Variants in TENM4 observed in about 807,000 individuals in gnomAD.
TENM4 encodes teneurin transmembrane protein 4.
In TENM4, 82 loss-of-function variants were observed where a neutral mutation model predicts 243.3. The ratio of observed to expected loss-of-function variants is 0.34; its 90% confidence interval spans 0.28 to 0.40. The LOEUF (loss-of-function observed/expected upper bound fraction) is 0.40. TENM4 is among the 10% of genes least tolerant of loss of function. The pLI is 1.00. For missense variants in TENM4, 3,138 were observed against 3,673.3 expected, an observed-to-expected ratio of 0.85 and a Z score of 3.77; for synonymous variants, 1,412 against 1,456.3, an observed-to-expected ratio of 0.97 and a Z score of 0.69.
At chr11:78,919,936 T>C (rs1191770984) in intron 6 of TENM4, among the ~76,000 whole-genome samples, 1 of 152,090 alleles carries the variant, frequency 6.6e-6, no homozygotes, top group African/African-American at 2.4e-5. Context: ...CCCTCCTTCA[T>C]GTCCCAGGAA....
At chr11:79,156,542 G>A (rs1011250918) in intron 3 of TENM4, among the ~76,000 whole-genome samples, 1 of 152,126 alleles carries the variant, frequency 6.6e-6, no homozygotes, top group African/African-American at 2.4e-5. Flanking sequence ...CTTTCCCTGA[G>A]TAACTCCTTG....
intron 2 of TENM4, among the ~76,000 whole-genome samples, chr11:79,248,041 C>T (rs758912224): frequency 9.9e-5 from 15 of 152,158 alleles, no homozygotes; most frequent in Non-Finnish European, 2.1e-4. Context: ...GCTGGCCATC[C>T]ATCTGGTGGA....
intron 4 of TENM4, among the ~76,000 whole-genome samples, chr11:79,081,504 A>T (rs1860671416): frequency 6.7e-6 from 1 of 150,220 alleles, no homozygotes; most frequent in South Asian, 2.1e-4. Context: ...GACAGCAGGG[A>T]TTACCCAGGC....
chr11:79,325,707 G>A (rs1010730097), intron 1 of TENM4, among the ~76,000 whole-genome samples: 4 of 152,202 alleles, frequency 2.6e-5, no homozygotes, highest in Non-Finnish European at 4.4e-5. Flanking sequence ...CTACCCAGGC[G>A]CTCAGTGAAC....
chr11:78,981,058 C>T (rs1015949739), intron 6 of TENM4, among the ~76,000 whole-genome samples: 1 of 152,178 alleles, frequency 6.6e-6, no homozygotes, highest in African/African-American at 2.4e-5. Flanking sequence ...ATGTATACGG[C>T]TTTGCAGAGA....
intron 12 of TENM4, among the ~76,000 whole-genome samples, chr11:78,840,302 A>G (rs961997839): frequency 6.6e-6 from 1 of 152,132 alleles, no homozygotes; most frequent in African/African-American, 2.4e-5. Flanking sequence ...TTGTACCCTG[A>G]CTAGACTCTC....
intron 28 of TENM4, among the ~76,000 whole-genome samples, chr11:78,692,587 G>C (rs1858853497): frequency 6.6e-6 from 1 of 152,168 alleles, no homozygotes; most frequent in Non-Finnish European, 1.5e-5. Flanking sequence ...ACTTCATTTG[G>C]ACCCTGCTGT....
At chr11:78,804,292 C>G (rs1857344518) in intron 15 of TENM4, among the ~76,000 whole-genome samples, 1 of 152,176 alleles carries the variant, frequency 6.6e-6, no homozygotes, top group African/African-American at 2.4e-5. Flanking sequence ...GTTCCCCTCC[C>G]CTTTCCCAGA....
intron 8 of TENM4, 101 bp downstream of exon 8, chr11:78,891,137 C>A: frequency 1.8e-6 from 2 of 1,088,330 alleles, no homozygotes; most frequent in Non-Finnish European, 1.4e-6. Context: ...ACATGGATCA[C>A]CTCCCCCAGA....
chr11:78,795,233 A>G (rs1857138458), intron 15 of TENM4, among the ~76,000 whole-genome samples: 1 of 152,126 alleles, frequency 6.6e-6, no homozygotes, highest in African/African-American at 2.4e-5. Context: ...CAGGGTTATT[A>G]GTCTACCTGA....
At chr11:79,299,062 CCACACACACA>C (rs61589223) in intron 1 of TENM4, among the ~76,000 whole-genome samples, 1 of 150,150 alleles carries the variant, frequency 6.7e-6, no homozygotes, top group Admixed American at 6.6e-5. Context: ...GGTGCTGTAT[CCACACACACA>C]CACACACACA....
intron 13 of TENM4, among the ~76,000 whole-genome samples, chr11:78,813,727 TC>T: frequency 6.6e-6 from 1 of 152,286 alleles, no homozygotes. Flanking sequence ...TTAGACTATC[TC>T]CACAATGTTT....
intron 9 of TENM4, among the ~76,000 whole-genome samples, chr11:78,865,203 T>C (rs1255434921): frequency 1.3e-5 from 2 of 152,236 alleles, no homozygotes; most frequent in East Asian, 3.8e-4. Flanking sequence ...CAATAATTCC[T>C]TTAACTCTCA....
chr11:78,670,819 C>A (rs1227787316), intron 31 of TENM4, among the ~76,000 whole-genome samples: 3 of 152,206 alleles, frequency 2.0e-5, no homozygotes, highest in Non-Finnish European at 2.9e-5. Context: ...TACCTGGGGC[C>A]TAGGCCTCCA....
chr11:79,040,316 C>T lies in TENM4; in HGVS notation c.493+24422G>A, dbSNP rs796154875. Among the ~76,000 whole-genome samples, 11 of 152,314 alleles carry T rather than the reference C, an allele frequency of 7.2e-5. No individual in the cohort carries two copies. The South Asian group carries it at 1.2e-3, about 17-fold the overall frequency. The stretch of plus-strand genomic sequence containing the variant: ...AGTCTGTGAACCTACAAAAGGTGCT[C>T]GCTCAGCTCAGTTTCAACCACTATT... On this transcript the variant is annotated intron_variant, in intron 6 of 33. Coordinates refer to ENST00000278550, the MANE Select transcript of TENM4 (RefSeq NM_001098816.3).
intron 6 of TENM4, among the ~76,000 whole-genome samples, chr11:78,997,945 C>T (rs1858218303): frequency 6.6e-6 from 1 of 152,118 alleles, no homozygotes; most frequent in Admixed American, 6.5e-5. Context: ...TCTCTCTTTC[C>T]TTGGTGTATA....
chr11:79,163,522 G>T (rs1213151869), intron 3 of TENM4, among the ~76,000 whole-genome samples: 1 of 151,846 alleles, frequency 6.6e-6, no homozygotes, highest in East Asian at 1.9e-4. Context: ...CCAATGTGTA[G>T]TCTTTTATTC....
chr11:79,202,403 G>T (rs895387539), intron 3 of TENM4, among the ~76,000 whole-genome samples: 1 of 152,146 alleles, frequency 6.6e-6, no homozygotes, highest in Non-Finnish European at 1.5e-5. Flanking sequence ...ACAATGTCTG[G>T]GTGTGCAGAT....
intron 2 of TENM4, among the ~76,000 whole-genome samples, chr11:79,287,506 A>T (rs1856278081): frequency 6.6e-6 from 1 of 152,156 alleles, no homozygotes; most frequent in East Asian, 1.9e-4. Flanking sequence ...AATGTCTAGT[A>T]AACACTTCTC....
Sources: gnomAD v4.1 joint callset for allele counts (sites outside exome capture counted in the v4.1 genomes callset) on GRCh38, gnomAD v4.1.1 for gene constraint, MANE v1.5 for transcripts, NCBI Gene and HGNC (gene_info 2026-07-23, HGNC 2026-07-21) for gene names.